PLD5: variants seen among roughly 807,000 people sequenced by gnomAD.
PLD5 encodes the protein inactive phospholipase D5.
Under a neutral mutation model 61.1 loss-of-function variants are expected in PLD5, and 36 were observed. That is an observed-to-expected ratio of 0.59 (90% CI 0.45 to 0.78). PLD5 has a LOEUF of 0.78. Among genes scored for constraint, PLD5 ranks in the 30% least tolerant of loss-of-function variants. The pLI is 0.00. For missense variants in PLD5, 515 were observed against 644.4 expected (o/e 0.80, Z 2.17); for synonymous variants, 243 against 242.8 (o/e 1.00, Z -0.01).
chr1:242,120,065 G>A (rs1662245869), intron 6 of PLD5, among the ~76,000 whole-genome samples: 1 of 152,118 alleles, frequency 6.6e-6, no homozygotes. Flanking sequence ...GGTGAAAGCA[G>A]CAATCACAAA....
At chr1:242,328,541 A>G (rs1190711442) in intron 2 of PLD5, among the ~76,000 whole-genome samples, 6 of 152,228 alleles carry the variant, frequency 3.9e-5, no homozygotes, top group Non-Finnish European at 8.8e-5. Context: ...ATAAATATAA[A>G]TGTTCTACAT....
At chr1:242,465,729 C>A (rs952461558) in intron 1 of PLD5, among the ~76,000 whole-genome samples, 4 of 152,170 alleles carry the variant, frequency 2.6e-5, no homozygotes, top group Non-Finnish European at 5.9e-5. Context: ...GAGTTCAAGA[C>A]TGGCCTGGCC....
At chr1:242,236,958 T>C (rs1332651783) in intron 4 of PLD5, among the ~76,000 whole-genome samples, 1 of 152,224 alleles carries the variant, frequency 6.6e-6, no homozygotes, top group African/African-American at 2.4e-5. Context: ...ACAGCTTTAA[T>C]TCCCCAATTA....
At chr1:242,454,277 G>T (rs562762107) in intron 1 of PLD5, among the ~76,000 whole-genome samples, 1 of 150,648 alleles carries the variant, frequency 6.6e-6, no homozygotes, top group East Asian at 2.0e-4. Flanking sequence ...AGGCTGCAGT[G>T]AGCCGAGATC....
chr1:242,488,078 A>C (rs1214746623), intron 1 of PLD5, among the ~76,000 whole-genome samples: 1 of 152,194 alleles, frequency 6.6e-6, no homozygotes, highest in African/African-American at 2.4e-5. Flanking sequence ...ATCAATGCTC[A>C]CAAAGATGTG....
intron 5 of PLD5, among the ~76,000 whole-genome samples, chr1:242,207,940 T>A (rs866376833): frequency 2.9e-5 from 2 of 68,384 alleles, no homozygotes; most frequent in African/African-American, 1.1e-4. Flanking sequence ...ATTTATATAT[T>A]TATATATATT....
chr1:242,170,931 G>C (rs769018211), intron 5 of PLD5, among the ~76,000 whole-genome samples: 2 of 152,194 alleles, frequency 1.3e-5, no homozygotes, highest in Non-Finnish European at 2.9e-5. Context: ...GTACCTGAAA[G>C]TGACAGGGAG....
chr1:242,356,863 T>G (rs944948920), intron 1 of PLD5, among the ~76,000 whole-genome samples: 1 of 152,118 alleles, frequency 6.6e-6, no homozygotes, highest in Non-Finnish European at 1.5e-5. Flanking sequence ...CAAATTAACA[T>G]TTTATAATAT....
intron 1 of PLD5, among the ~76,000 whole-genome samples, chr1:242,434,598 C>A (rs1374733097): frequency 1.3e-5 from 2 of 151,922 alleles, no homozygotes; most frequent in Non-Finnish European, 2.9e-5. Flanking sequence ...ATTGAGACAT[C>A]CCTTGTTTTA....
At chr1:242,487,723 A>T (rs1668009303) in intron 1 of PLD5, among the ~76,000 whole-genome samples, 1 of 152,196 alleles carries the variant, frequency 6.6e-6, no homozygotes, top group Non-Finnish European at 1.5e-5. Context: ...TAAAATGAGC[A>T]AAAGATCTGA....
intron 1 of PLD5, among the ~76,000 whole-genome samples, chr1:242,419,571 C>A (rs1276192776): frequency 5.1e-5 from 2 of 39,384 alleles, no homozygotes; most frequent in East Asian, 4.4e-4. Context: ...AAATTTTTTG[C>A]ATTTTTTTTT....
intron 5 of PLD5, chr1:242,203,615 C>G (rs546684130): frequency 1.3e-3 from 205 of 152,768 alleles, no homozygotes; most frequent in Admixed American, 3.9e-3. Context: ...AGCACTTCCT[C>G]CACCTTGCTC....
chr1:242,193,899 A>C (rs1193116449), intron 5 of PLD5, among the ~76,000 whole-genome samples: 2 of 152,238 alleles, frequency 1.3e-5, no homozygotes, highest in African/African-American at 4.8e-5. Context: ...TTATCCTTCC[A>C]AAGTCTTCAC....
chr1:242,186,493 G>A (rs191517426), intron 5 of PLD5, among the ~76,000 whole-genome samples: 1 of 152,080 alleles, frequency 6.6e-6, no homozygotes, highest in East Asian at 1.9e-4. Context: ...TGGGCTGTAA[G>A]GAATATATTT....
At chr1:242,405,603 C>CTT (rs57665543) in intron 1 of PLD5, among the ~76,000 whole-genome samples, 4 of 145,522 alleles carry the variant, frequency 2.7e-5, no homozygotes, top group East Asian at 2.0e-4. Flanking sequence ...ATATTTGATA[C>CTT]TTTTTTTTTT....
In PLD5 at chr1:242,485,693, G is replaced by T. The variant is rs1054716752; in HGVS notation, c.189+38395C>A. 2.4e-4 allele frequency among the ~76,000 whole-genome samples: 37 copies of T among 152,156 alleles called. 1 individual carries two copies. Among genetic ancestry groups the T allele is most frequent in the Middle Eastern group, 6.8e-3 (2 of 294 alleles). ...CCCATCAAGCTACCAATGACTTTCT[G>T]CACAGAATTGGAAAAAATTACTTTA... On this transcript the variant is annotated intron_variant, in intron 1 of 9. Transcript: ENST00000536534.
chr1:242,406,062 G>A (rs1195760124), intron 1 of PLD5, among the ~76,000 whole-genome samples: 1 of 152,074 alleles, frequency 6.6e-6, no homozygotes, highest in African/African-American at 2.4e-5. Context: ...CCCAGGTAAA[G>A]CCTCACATTC....
At chr1:242,165,626 A>G (rs1420147865) in intron 5 of PLD5, among the ~76,000 whole-genome samples, 1 of 152,174 alleles carries the variant, frequency 6.6e-6, no homozygotes, top group African/African-American at 2.4e-5. Flanking sequence ...TGCTATTCTA[A>G]AATACAGTAA....
chr1:242,391,045 A>T (rs1269713674), intron 1 of PLD5, among the ~76,000 whole-genome samples: 2 of 152,068 alleles, frequency 1.3e-5, no homozygotes, highest in East Asian at 3.9e-4. Context: ...AATACAAAAA[A>T]TTAGCCAGGT....
Sources: gnomAD v4.1 joint callset for allele counts (sites outside exome capture counted in the v4.1 genomes callset) on GRCh38, gnomAD v4.1.1 for gene constraint, MANE v1.5 for transcripts, NCBI Gene and HGNC (gene_info 2026-07-23, HGNC 2026-07-21) for gene names.